The following NUP155 variants were observed in gnomAD, a reference collection of about 807,000 sequenced individuals.
NUP155 encodes the protein nuclear pore complex protein Nup155.
In NUP155, 71 loss-of-function variants were observed where a neutral mutation model predicts 180.4. The observed-to-expected ratio is 0.39, with a 90% CI of 0.33 to 0.48. The LOEUF (loss-of-function observed/expected upper bound fraction) is 0.48, where lower values mean the gene tolerates loss of function less well. Among genes scored for constraint, NUP155 ranks in the 20% least tolerant of loss-of-function variants. The pLI is 0.91. For missense variants in NUP155, 1,553 were observed against 1,648.9 expected (o/e 0.94, Z 1.01); for synonymous variants, 582 against 559.5 (o/e 1.04, Z -0.57).
intron 19 of NUP155, among the ~76,000 whole-genome samples, chr5:37,324,932 T>C (rs551498336): frequency 1.3e-5 from 2 of 151,370 alleles, no homozygotes; most frequent in Admixed American, 6.6e-5. Flanking sequence ...GGCGGATCAT[T>C]TGAGGTCAGG....
chr5:37,306,744 C>T (rs985148531), intron 25 of NUP155, among the ~76,000 whole-genome samples: 3 of 151,976 alleles, frequency 2.0e-5, no homozygotes, highest in Admixed American at 6.6e-5. Flanking sequence ...GGATTACAGG[C>T]GTGAGCCACT....
intron 20 of NUP155, among the ~76,000 whole-genome samples, chr5:37,321,375 C>T (rs1055814955): frequency 6.6e-6 from 1 of 151,704 alleles, no homozygotes; most frequent in Non-Finnish European, 1.5e-5. Context: ...CAATAAACCA[C>T]ATTTAACTAA....
chr5:37,307,921 C>A (rs1305072839), intron 24 of NUP155, among the ~76,000 whole-genome samples: 70 of 90,848 alleles, frequency 7.7e-4, no homozygotes, highest in Admixed American at 1.6e-3. Context: ...GACTCTGTCT[C>A]ACAAAAAAAA....
intron 12 of NUP155, among the ~76,000 whole-genome samples, chr5:37,335,271 C>T (rs1745251732): frequency 6.7e-6 from 1 of 150,072 alleles, no homozygotes; most frequent in Admixed American, 6.6e-5. Context: ...TTCCCAGCAA[C>T]TCAGAAGGCT....
chr5:37,340,509 C>T (rs934665044), intron 11 of NUP155, among the ~76,000 whole-genome samples: 2 of 151,362 alleles, frequency 1.3e-5, no homozygotes, highest in South Asian at 2.1e-4. Flanking sequence ...TACAAAGCAA[C>T]GGTAATCAAG....
chr5:37,331,013 G>C (rs550319019), intron 14 of NUP155, among the ~76,000 whole-genome samples: 1 of 151,958 alleles, frequency 6.6e-6, no homozygotes, highest in Non-Finnish European at 1.5e-5. Context: ...GCCAGGCGTG[G>C]TGGGGGGGTC....
Position 37,351,301 on chromosome 5 carries a change from A to C in NUP155, c.612T>G (p.Pro204=), listed in dbSNP as rs761524618. ...TATTATCAGTAGGAAGAGAATATAAAGGATCTGGAAGCAACTGCATTCCAC... is the reference window on the plus strand; with the variant it reads ...TATTATCAGTAGGAAGAGAATATAACGGATCTGGAAGCAACTGCATTCCAC... The part of the protein sequence containing the change: ...LSGGMQLLPD[P]LYSLPTDNTY... Residue 204 remains proline (P), a synonymous_variant, in exon 6 of 35, where the codon CCT becomes CCG. Transcript: ENST00000231498. 6.8e-6 allele frequency: 11 copies of C among 1,612,908 alleles called. No homozygotes were observed. Among genetic ancestry groups the C allele is most frequent in the Middle Eastern group, 1.7e-4 (1 of 6,056 alleles).
chr5:37,312,020 CA>C (rs1257338825), intron 22 of NUP155, among the ~76,000 whole-genome samples: 1 of 151,028 alleles, frequency 6.6e-6, no homozygotes, highest in African/African-American at 2.4e-5. Flanking sequence ...GACACTGTCT[CA>C]AAAAAAATAA....
intron 16 of NUP155, among the ~76,000 whole-genome samples, chr5:37,328,852 G>C (rs73749022): frequency 3.1e-4 from 47 of 152,266 alleles, no homozygotes; most frequent in African/African-American, 1.1e-3. Context: ...CACGATATAT[G>C]CAAGAATTAG....
At chr5:37,324,434 C>T (rs1307520391) in intron 19 of NUP155, among the ~76,000 whole-genome samples, 1 of 152,142 alleles carries the variant, frequency 6.6e-6, no homozygotes, top group Non-Finnish European at 1.5e-5. Context: ...GTCATCCCAC[C>T]TCTGAGGTAA....
intron 9 of NUP155, among the ~76,000 whole-genome samples, chr5:37,347,439 T>C (rs1746167721): frequency 6.6e-6 from 1 of 152,144 alleles, no homozygotes; most frequent in Non-Finnish European, 1.5e-5. Flanking sequence ...CTCACGCCTG[T>C]AATCCCAGCA....
intron 3 of NUP155, among the ~76,000 whole-genome samples, chr5:37,358,363 T>G (rs1015754915): frequency 1.3e-5 from 2 of 151,624 alleles, no homozygotes; most frequent in African/African-American, 4.8e-5. Flanking sequence ...GGCCACTGAG[T>G]TGGCAGGATC....
At chr5:37,338,041 C>CCCAGCCCGGTTTTA in intron 11 of NUP155, 123 bp from the exon 12 acceptor site, 1 of 649,622 alleles carries the variant, frequency 1.5e-6, no homozygotes, top group Non-Finnish European at 2.7e-6. Flanking sequence ...TAAAACCGGG[C>CCCAGCCCGGTTTTA]TGGGCACGGT....
At chr5:37,313,437 AAAAAG>A (rs1743652205) in intron 22 of NUP155, among the ~76,000 whole-genome samples, 1 of 151,492 alleles carries the variant, frequency 6.6e-6, no homozygotes, top group South Asian at 2.1e-4. Context: ...TAAAAAAAAA[AAAAAG>A]AAAACATAAA....
chr5:37,330,525 A>G (rs1744888521), intron 14 of NUP155, among the ~76,000 whole-genome samples: 1 of 152,196 alleles, frequency 6.6e-6, no homozygotes, highest in South Asian at 2.1e-4. Context: ...ATTATAATGT[A>G]TAAGGAAACT....
intron 21 of NUP155, among the ~76,000 whole-genome samples, chr5:37,314,815 AAGAG>A (rs1377849654): frequency 6.6e-6 from 1 of 152,122 alleles, no homozygotes; most frequent in African/African-American, 2.4e-5. Flanking sequence ...AAAAAAATAA[AAGAG>A]AGACAAAAAA....
chr5:37,361,432 T>C (rs1747217679), intron 3 of NUP155, among the ~76,000 whole-genome samples: 1 of 151,934 alleles, frequency 6.6e-6, no homozygotes, highest in Non-Finnish European at 1.5e-5. Context: ...AAAAATATGA[T>C]CTAGACTTTC....
chr5:37,347,983 A>C (rs1274049171), intron 9 of NUP155, among the ~76,000 whole-genome samples: 1 of 152,098 alleles, frequency 6.6e-6, no homozygotes, highest in African/African-American at 2.4e-5. Context: ...AAAAATACAA[A>C]ATTAGCTGGG....
At chr5:37,337,781 A>G in intron 12 of NUP155, 37 bp downstream of exon 12, 1 of 1,264,090 alleles carries the variant, frequency 7.9e-7, no homozygotes, top group Non-Finnish European at 1.2e-6. Context: ...ACTTAAAATT[A>G]TATAATAGTT....
Sources: gnomAD v4.1 joint callset for allele counts (sites outside exome capture counted in the v4.1 genomes callset) on GRCh38, gnomAD v4.1.1 for gene constraint, MANE v1.5 for transcripts, NCBI Gene and HGNC (gene_info 2026-07-23, HGNC 2026-07-21) for gene names.